The following CLEC3A variants were observed in gnomAD, a reference collection of about 807,000 sequenced individuals.
CLEC3A encodes the protein C-type (calcium dependent, carbohydrate-recognition domain) lectin, superfamily member 1 (cartilage-derived).
Under a neutral mutation model 20.4 loss-of-function variants are expected in CLEC3A, and 28 were observed. The observed-to-expected ratio is 1.37, with a 90% confidence interval of 1.02 to 1.88. The LOEUF (loss-of-function observed/expected upper bound fraction) is 1.88. CLEC3A is among the 40% of genes most tolerant of loss of function. The pLI is 0.00. For synonymous variants in CLEC3A, 110 were observed against 88.1 expected, an observed-to-expected ratio of 1.25 and a Z score of -1.39; for missense variants, 357 against 240.4, an observed-to-expected ratio of 1.48 and a Z score of -3.21.
At chr16:78,028,018 G>C (rs1567543822) in intron 1 of CLEC3A, 89 bp from the exon 2 acceptor site, 1 of 900,128 alleles carries the variant, frequency 1.1e-6, no homozygotes. Flanking sequence ...AACCACTATT[G>C]CCTTGGGTCC....
intron 1 of CLEC3A, among the ~76,000 whole-genome samples, chr16:78,024,024 T>C (rs1453256453): frequency 6.6e-6 from 1 of 152,206 alleles, no homozygotes; most frequent in Non-Finnish European, 1.5e-5. Context: ...CCCAAAGTGC[T>C]GGAATTACAG....
At chr16:78,022,831 AC>A in intron 1 of CLEC3A, 90 bp downstream of exon 1, 2 of 1,388,480 alleles carry the variant, frequency 1.4e-6, no homozygotes, top group Non-Finnish European at 2.0e-6. Context: ...CCTCCAGGAG[AC>A]TATCTTCGGT....
intron 2 of CLEC3A, 105 bp downstream of exon 2, chr16:78,028,295 A>T (rs982086484): frequency 1.4e-6 from 1 of 710,280 alleles, no homozygotes; most frequent in South Asian, 2.2e-5. Flanking sequence ...CAAATCAATA[A>T]TGTGGCCAAT....
intron 2 of CLEC3A, chr16:78,029,127 G>C (rs931690759): frequency 2.2e-6 from 1 of 455,680 alleles, no homozygotes; most frequent in Non-Finnish European, 4.4e-6. Flanking sequence ...TTACAGATGA[G>C]GAAAATGAGG....
In CLEC3A at chr16:78,030,613, G is replaced by GC; in HGVS notation, c.368dup (p.Gly124ArgfsTer4). ...TCCAAGACTATGGTAAAAGGAGCCTGCCAGGTGTCAATGACTTTTGGCTGG... is the reference window on the plus strand; with the variant it reads ...TCCAAGACTATGGTAAAAGGAGCCTGCCCAGGTGTCAATGACTTTTGGCTGG... On this transcript the variant is annotated frameshift_variant, in exon 3 of 3. Coordinates refer to ENST00000299642, the MANE Select transcript of CLEC3A (RefSeq NM_005752.6). LOFTEE classifies it high-confidence loss of function. The GC allele has an allele frequency of 6.2e-7, 1 of 1,614,142 alleles. No homozygotes were observed. Among genetic ancestry groups the GC allele is most frequent in the South Asian group, 1.1e-5 (1 of 91,072 alleles).
intron 2 of CLEC3A, among the ~76,000 whole-genome samples, chr16:78,029,932 T>C (rs1428970917): frequency 1.3e-5 from 2 of 151,968 alleles, no homozygotes; most frequent in Non-Finnish European, 2.9e-5. Context: ...GGCAGGCGGA[T>C]CATGAGGTCA....
rs556562141 is a variant in CLEC3A, at chr16:78,022,730, G to C, written c.104G>C (p.Arg35Pro). 6.2e-7 allele frequency: 1 copy of C among 1,614,150 alleles called. No individual in the cohort carries two copies. Among genetic ancestry groups the C allele is most frequent in the East Asian group, 2.2e-5 (1 of 44,876 alleles). The change falls in exon 1 of 3, where the codon CGT (arginine) becomes CCT (proline). Residue 35 changes from arginine (R) to proline (P), a missense_variant. Transcript: ENST00000299642. Reference sequence around the variant, plus strand: ...TTAAAAGCCAGGAAGCACAGCAAACGTCGAGTGAGAGGTAATGGGGCTTCT... The same window carrying C: ...TTAAAAGCCAGGAAGCACAGCAAACCTCGAGTGAGAGGTAATGGGGCTTCT... ...SRLKARKHSK[R>P]RVRDKDGDLK...
intron 2 of CLEC3A, among the ~76,000 whole-genome samples, chr16:78,028,521 G>A (rs182600564): frequency 1.3e-5 from 2 of 152,328 alleles, no homozygotes; most frequent in Admixed American, 1.3e-4. Flanking sequence ...ATAGCTAAGT[G>A]CCTATCAGGC....
chr16:78,024,393 T>TCC (rs1005447399), intron 1 of CLEC3A, among the ~76,000 whole-genome samples: 17 of 151,968 alleles, frequency 1.1e-4, no homozygotes, highest in Non-Finnish European at 2.9e-5. Context: ...GGGGCCTCCC[T>TCC]CCCCTTCCTC....
intron 2 of CLEC3A, among the ~76,000 whole-genome samples, chr16:78,028,476 A>G (rs2029989889): frequency 6.6e-6 from 1 of 152,252 alleles, no homozygotes; most frequent in Non-Finnish European, 1.5e-5. Context: ...TGAAGCCAGT[A>G]TGAAATGACT....
intron 1 of CLEC3A, among the ~76,000 whole-genome samples, chr16:78,025,553 G>T (rs953377097): frequency 2.9e-4 from 44 of 152,128 alleles, no homozygotes; most frequent in African/African-American, 1.0e-3. Context: ...CATGTCTTCT[G>T]GGAATGACTT....
In CLEC3A at chr16:78,031,353, T is replaced by G. The variant is rs2030101413; in HGVS notation, c.*512T>G. 6.6e-6 allele frequency: 1 copy of G among 152,470 alleles called. No individual in the cohort carries two copies. The highest frequency in any genetic ancestry group is 1.5e-5 in the Non-Finnish European group (1 of 68,268). 9.4% of individuals were successfully genotyped at this position (152,470 alleles called of 1,614,324 possible). On this transcript the variant is annotated 3_prime_UTR_variant, in exon 3 of 3. Transcript: ENST00000299642. ...ACCTTGTCAGCCCATTACCCTTATT[T>G]TGAATTGCTCCATCTCCTGGTGGGA... is the stretch of plus-strand genomic sequence containing the variant.
At position 78,030,260 on chromosome 16, in the gene CLEC3A, G is replaced by A. The variant is rs140768356; in HGVS notation, c.200-187G>A. On this transcript the variant is annotated intron_variant, in intron 2 of 2. Transcript: ENST00000299642. ...TAATAAAATACAACTTCATGGGGTT[G>A]TCAGGATTATGTAACTTAATTTATG... 2.6e-3 allele frequency among the ~76,000 whole-genome samples: 400 copies of A among 151,970 alleles called. 3 individuals are homozygous for A. The highest frequency in any genetic ancestry group is 9.3e-3 in the African/African-American group (386 of 41,460).
intron 1 of CLEC3A, among the ~76,000 whole-genome samples, chr16:78,025,687 TC>T (rs1442595081): frequency 6.6e-6 from 1 of 152,202 alleles, no homozygotes; most frequent in Non-Finnish European, 1.5e-5. Context: ...GGTACTTGCT[TC>T]ATAGGTCTCA....
rs745701396 is a variant in CLEC3A, at chr16:78,028,120, T to A, written c.129T>A (p.Asp43Glu). The A allele has an allele frequency of 6.2e-7, 1 of 1,609,656 alleles. No individual in the cohort carries two copies. The highest frequency in any genetic ancestry group is 1.3e-5 in the African/African-American group (1 of 74,516). ...SKRRVRDKDG[D>E]LKTQIEKLWT... The stretch of plus-strand genomic sequence containing the variant: ...AATTTTCCCCAGACAAGGATGGAGA[T>A]CTGAAGACTCAAATTGAAAAGCTCT... Residue 43 changes from aspartate (D) to glutamate (E), a missense_variant, in exon 2 of 3, where the codon GAT (aspartate) becomes GAA (glutamate). Transcript: ENST00000299642.
At chr16:78,022,769 T>G in intron 1 of CLEC3A, 28 bp downstream of exon 1, 1 of 1,612,924 alleles carries the variant, frequency 6.2e-7, no homozygotes, top group South Asian at 1.1e-5. Context: ...TCAAGCAAAA[T>G]TCTAGGCTTA....
chr16:78,023,004 G>A (rs1332983572), intron 1 of CLEC3A, among the ~76,000 whole-genome samples: 1 of 152,102 alleles, frequency 6.6e-6, no homozygotes, highest in East Asian at 1.9e-4. Flanking sequence ...TATATTTTTT[G>A]TTAGGTGGGC....
chr16:78,029,544 A>G (rs2030023440), intron 2 of CLEC3A, among the ~76,000 whole-genome samples: 1 of 151,802 alleles, frequency 6.6e-6, no homozygotes, highest in Admixed American at 6.6e-5. Context: ...AATTTTTTGT[A>G]TTTTTAGTAC....
intron 2 of CLEC3A, among the ~76,000 whole-genome samples, chr16:78,030,070 G>C (rs1240735131): frequency 6.8e-6 from 1 of 148,118 alleles, no homozygotes; most frequent in Non-Finnish European, 1.5e-5. Flanking sequence ...GGAGAATGGC[G>C]TGAATCCGGG....
Sources: gnomAD v4.1 joint callset for allele counts (sites outside exome capture counted in the v4.1 genomes callset) on GRCh38, gnomAD v4.1.1 for gene constraint, MANE v1.5 for transcripts, NCBI Gene and HGNC (gene_info 2026-07-23, HGNC 2026-07-21) for gene names.